Variants in SGCZ observed in about 807,000 individuals in gnomAD.
The protein encoded by SGCZ is zeta-sarcoglycan.
In SGCZ, 40 loss-of-function variants were observed where a neutral mutation model predicts 41.3. That is an observed-to-expected ratio of 0.97 (90% CI 0.75 to 1.26). The LOEUF (loss-of-function observed/expected upper bound fraction) is 1.26, where lower values mean the gene tolerates loss of function less well. Ranked by LOEUF, SGCZ falls within the 50% of genes most tolerant of loss-of-function variation. The probability of loss-of-function intolerance (pLI) is 0.00; values close to 1 mark genes in which losing one functional copy is unlikely to be tolerated. For missense variants in SGCZ, 552 were observed against 369.8 expected, an observed-to-expected ratio of 1.49 and a Z score of -4.04; for synonymous variants, 206 against 137.5, an observed-to-expected ratio of 1.50 and a Z score of -3.49.
intron 1 of SGCZ, among the ~76,000 whole-genome samples, chr8:15,048,257 C>A (rs1364193490): frequency 6.6e-6 from 1 of 151,862 alleles, no homozygotes; most frequent in Non-Finnish European, 1.5e-5. Context: ...TGTTCTTAGC[C>A]ATATGTGGGA....
chr8:14,152,127 A>G (rs1291655149), intron 5 of SGCZ, among the ~76,000 whole-genome samples: 2 of 152,114 alleles, frequency 1.3e-5, no homozygotes, highest in Non-Finnish European at 2.9e-5. Flanking sequence ...CTTGACTAAT[A>G]GAATAAGAAA....
intron 4 of SGCZ, among the ~76,000 whole-genome samples, chr8:14,196,264 A>AT (rs61326421): frequency 0.24 from 35,567 of 147,882 alleles, 5,182 homozygotes; most frequent in Non-Finnish European, 0.34. Flanking sequence ...AATTAGAGTA[A>AT]TTTTTTTTTT....
chr8:14,282,501 C>T (rs1322358544), intron 3 of SGCZ, among the ~76,000 whole-genome samples: 1 of 152,142 alleles, frequency 6.6e-6, no homozygotes, highest in Non-Finnish European at 1.5e-5. Flanking sequence ...CACTCTCTTC[C>T]TCAGCACCCC....
intron 4 of SGCZ, among the ~76,000 whole-genome samples, chr8:14,186,701 C>G (rs1804914051): frequency 6.6e-6 from 1 of 152,114 alleles, no homozygotes; most frequent in Non-Finnish European, 1.5e-5. Context: ...GGTTCTGAAG[C>G]CTATTCAAAT....
At chr8:14,266,981 G>C (rs948917157) in intron 3 of SGCZ, among the ~76,000 whole-genome samples, 1 of 152,008 alleles carries the variant, frequency 6.6e-6, no homozygotes, top group Non-Finnish European at 1.5e-5. Context: ...GACAAAAGTG[G>C]AATTTAAGTT....
At chr8:15,166,804 T>C (rs1430473928) in intron 1 of SGCZ, among the ~76,000 whole-genome samples, 2 of 152,194 alleles carry the variant, frequency 1.3e-5, no homozygotes, top group Non-Finnish European at 2.9e-5. Context: ...TGGTTTATAA[T>C]GAGTTATAGA....
intron 2 of SGCZ, among the ~76,000 whole-genome samples, chr8:14,374,281 A>G (rs1227241587): frequency 5.3e-5 from 8 of 152,174 alleles, no homozygotes; most frequent in Non-Finnish European, 1.0e-4. Context: ...CAGGAGGCTG[A>G]GATGGGAGGA....
intron 4 of SGCZ, among the ~76,000 whole-genome samples, chr8:14,228,353 A>G (rs34796704): frequency 0.29 from 44,183 of 151,894 alleles, 7,178 homozygotes; most frequent in Non-Finnish European, 0.37. Context: ...TAAAATATCT[A>G]AAAGAGAAAA....
At chr8:14,957,419 A>C (rs1286391018) in intron 1 of SGCZ, among the ~76,000 whole-genome samples, 1 of 152,034 alleles carries the variant, frequency 6.6e-6, no homozygotes, top group Non-Finnish European at 1.5e-5. Context: ...ACTTATGGTA[A>C]ATATATTAAC....
chr8:14,548,038 T>C lies in SGCZ; in HGVS notation c.234+6694A>G, dbSNP rs116300225. Among the ~76,000 whole-genome samples, 616 of 152,276 alleles carry C rather than the reference T, an allele frequency of 4.0e-3. 1 individual carries two copies. Among genetic ancestry groups the C allele is most frequent in the African/African-American group, 0.014 (566 of 41,552 alleles). ...GGCAGAATATGGATAAGTCTGATAG[T>C]ATATGTTGTTAATTAATTGTTAGTA... On this transcript the variant is annotated intron_variant, in intron 2 of 7. Coordinates refer to ENST00000382080, the MANE Select transcript of SGCZ (RefSeq NM_139167.4).
rs185924270 is a variant in SGCZ, at chr8:15,203,970, G to C, written c.39+33615C>G. ...AAACTCCTTATGGGACTACGTTTAT[G>C]TAAGAAACAATAAAACATTTCTCAT... On this transcript the variant is annotated intron_variant, in intron 1 of 7. Coordinates refer to ENST00000382080, the MANE Select transcript of SGCZ (RefSeq NM_139167.4). Among the ~76,000 whole-genome samples the C allele has an allele frequency of 1.0e-3, 157 of 152,242 alleles. 3 individuals carry two copies. In the East Asian group the frequency reaches 0.026, roughly 25 times the overall value.
At chr8:14,594,492 G>C (rs1013439125) in intron 1 of SGCZ, among the ~76,000 whole-genome samples, 2 of 151,952 alleles carry the variant, frequency 1.3e-5, no homozygotes, top group East Asian at 1.9e-4. Context: ...AATTCCACTG[G>C]GAGGATCAAA....
intron 2 of SGCZ, among the ~76,000 whole-genome samples, chr8:14,380,086 A>G (rs939095351): frequency 5.3e-5 from 8 of 152,162 alleles, no homozygotes; most frequent in Admixed American, 1.3e-4. Context: ...TGATCTTATC[A>G]GGGCATTTAT....
chr8:14,913,102 G>T (rs1799326018), intron 1 of SGCZ, among the ~76,000 whole-genome samples: 1 of 151,928 alleles, frequency 6.6e-6, no homozygotes, highest in Admixed American at 6.6e-5. Context: ...ATTTAAAAAG[G>T]TGTACAAATA....
At chr8:14,707,455 C>T (rs895672116) in intron 1 of SGCZ, among the ~76,000 whole-genome samples, 3 of 152,048 alleles carry the variant, frequency 2.0e-5, no homozygotes, top group African/African-American at 7.2e-5. Flanking sequence ...CAAAACCAGT[C>T]TTCAAATTTC....
chr8:15,184,864 G>A (rs188507864), intron 1 of SGCZ, among the ~76,000 whole-genome samples: 5 of 151,956 alleles, frequency 3.3e-5, no homozygotes, highest in East Asian at 1.9e-4. Flanking sequence ...TTCATCACGC[G>A]TTCCCTTTGT....
chr8:14,971,241 T>C (rs761084979), intron 1 of SGCZ, among the ~76,000 whole-genome samples: 1 of 152,180 alleles, frequency 6.6e-6, no homozygotes, highest in Non-Finnish European at 1.5e-5. Context: ...AGAGGCTTTA[T>C]TAAATTTTAT....
At chr8:14,466,687 C>A (rs995457823) in intron 2 of SGCZ, among the ~76,000 whole-genome samples, 9 of 151,714 alleles carry the variant, frequency 5.9e-5, no homozygotes, top group African/African-American at 2.2e-4. Context: ...TTTCCACTGT[C>A]CTGTCTTCTA....
rs76634469 is a variant in SGCZ, at chr8:14,203,515, T to C, written c.424+34077A>G. On this transcript the variant is annotated intron_variant, in intron 4 of 7. Coordinates refer to ENST00000382080, the MANE Select transcript of SGCZ (RefSeq NM_139167.4). ...ATATGTATTTAAATTTTTATTTCACTGGATTCAATTTAATGTGCTCCTAAA... is the reference window on the plus strand; with the variant it reads ...ATATGTATTTAAATTTTTATTTCACCGGATTCAATTTAATGTGCTCCTAAA... Among the ~76,000 whole-genome samples the C allele has an allele frequency of 8.3e-4, 126 of 152,308 alleles. 1 individual carries two copies. The highest frequency in any genetic ancestry group is 3.0e-3 in the African/African-American group (123 of 41,570).
Sources: gnomAD v4.1 joint callset for allele counts (sites outside exome capture counted in the v4.1 genomes callset) on GRCh38, gnomAD v4.1.1 for gene constraint, MANE v1.5 for transcripts, NCBI Gene and HGNC (gene_info 2026-07-23, HGNC 2026-07-21) for gene names.